The following APTX variants were observed in gnomAD, a reference collection of about 807,000 sequenced individuals.
APTX encodes the protein aprataxin.
In APTX, 33 loss-of-function variants were observed where a neutral mutation model predicts 42.3. The ratio of observed to expected loss-of-function variants is 0.78; its 90% CI spans 0.59 to 1.04. The LOEUF is 1.04. Ranked by LOEUF, APTX falls within the 50% of genes least tolerant of loss-of-function variation. APTX has a pLI of 0.00. For synonymous variants in APTX, 130 were observed against 146.7 expected, an observed-to-expected ratio of 0.89 and a Z score of 0.82; for missense variants, 421 against 415.1, an observed-to-expected ratio of 1.01 and a Z score of -0.12.
At chr9:33,003,321 C>A (rs1031372673), upstream of APTX, among the ~76,000 whole-genome samples, 8 of 152,184 alleles carry the variant, frequency 5.3e-5, no homozygotes, top group African/African-American at 1.9e-4. Flanking sequence ...AAAGGTATGG[C>A]AGGCAGTGAA....
chr9:33,003,278 G>A (rs1836847223), upstream of APTX, among the ~76,000 whole-genome samples: 1 of 152,220 alleles, frequency 6.6e-6, no homozygotes, highest in South Asian at 2.1e-4. Flanking sequence ...TTAGTGGCCA[G>A]AAAAGCAAGA....
chr9:33,024,391 A>C (rs1029316968), intron 1 of APTX, among the ~76,000 whole-genome samples: 1 of 152,240 alleles, frequency 6.6e-6, no homozygotes, highest in African/African-American at 2.4e-5. Flanking sequence ...ATTCCCATTA[A>C]GCCCCCGTGG....
chr9:33,001,546 A>T, intron 1 of APTX, 21 bp downstream of exon 1: 2 of 1,613,692 alleles, frequency 1.2e-6, no homozygotes, highest in Non-Finnish European at 1.7e-6. Context: ...AGCAGAAGAG[A>T]TAGGCTGACG....
At chr9:32,990,931 T>A (rs191392060) in intron 1 of APTX, among the ~76,000 whole-genome samples, 1 of 150,364 alleles carries the variant, frequency 6.7e-6, no homozygotes, top group Non-Finnish European at 1.5e-5. Flanking sequence ...TTTCTTTACT[T>A]TTTTTTTTTT....
rs10971267 is a variant in APTX, at chr9:32,985,941, T to G, written c.543+30A>C. 149,434 of 1,593,956 alleles carry G rather than the reference T, an allele frequency of 0.094. 7,948 individuals are homozygous for G. Among genetic ancestry groups the G allele is most frequent in the Non-Finnish European group, 0.11 (127,384 of 1,165,614 alleles). On this transcript the variant is annotated intron_variant, in intron 5 of 7. Transcript: ENST00000379817. ...TGGAGTGGTCATTTACAACATGAAA[T>G]GTACTGAAATTCCAAAATTGTATTC...
chr9:32,986,327 C>T (rs112618614), intron 4 of APTX, among the ~76,000 whole-genome samples: 5 of 152,240 alleles, frequency 3.3e-5, no homozygotes, highest in African/African-American at 9.6e-5. Context: ...TCCCAAGTAG[C>T]TGGGATTACA....
intron 1 of APTX, among the ~76,000 whole-genome samples, chr9:32,993,048 AC>A (rs1037904914): frequency 9.2e-5 from 14 of 152,226 alleles, no homozygotes; most frequent in Non-Finnish European, 2.1e-4. Flanking sequence ...ATATGTGGTG[AC>A]TGACTACTCA....
chr9:33,015,093 G>A (rs1293884946), intron 1 of APTX, among the ~76,000 whole-genome samples: 2 of 152,072 alleles, frequency 1.3e-5, no homozygotes, highest in Admixed American at 6.5e-5. Flanking sequence ...GTTACTACCC[G>A]TGTTTTTATT....
intron 6 of APTX, among the ~76,000 whole-genome samples, chr9:32,977,699 C>T (rs930878718): frequency 4.6e-5 from 7 of 151,836 alleles, no homozygotes; most frequent in Non-Finnish European, 8.8e-5. Flanking sequence ...GGCGTGGTGG[C>T]GCATGCCTGT....
Position 32,973,435 on chromosome 9 carries a change from G to A in APTX, c.*63C>T. On this transcript the variant is annotated 3_prime_UTR_variant, in exon 8 of 8. Transcript: ENST00000379817. ...TGAGTAGAAGTTCACAAGCAACCCA[G>A]AATAGGTGCCAGCAGTTTGCTCCAG... 6.4e-7 allele frequency: 1 copy of A among 1,574,438 alleles called. No homozygotes were observed. The highest frequency in any genetic ancestry group is 1.1e-5 in the South Asian group (1 of 89,692).
At chr9:32,992,910 T>C (rs1255849481) in intron 1 of APTX, among the ~76,000 whole-genome samples, 1 of 152,158 alleles carries the variant, frequency 6.6e-6, no homozygotes, top group Non-Finnish European at 1.5e-5. Context: ...ATGATGATGG[T>C]GTTATGGGCA....
intron 1 of APTX, among the ~76,000 whole-genome samples, chr9:33,009,577 G>A (rs1055507958): frequency 7.2e-5 from 11 of 152,080 alleles, no homozygotes; most frequent in Non-Finnish European, 1.5e-4. Flanking sequence ...CCAGAAGTTT[G>A]AGACCAGGCT....
upstream of APTX, among the ~76,000 whole-genome samples, chr9:33,001,966 C>A (rs1836650545): frequency 6.6e-6 from 1 of 152,210 alleles, no homozygotes; most frequent in African/African-American, 2.4e-5. Flanking sequence ...TTAAGGCCAT[C>A]TCTCCTGCTG....
intron 1 of APTX, among the ~76,000 whole-genome samples, chr9:32,991,544 G>A (rs1299145913): frequency 1.3e-5 from 2 of 152,078 alleles, no homozygotes; most frequent in Non-Finnish European, 2.9e-5. Context: ...AGCACTTTGG[G>A]AGCCCAAGGC....
chr9:32,984,625 GC>G lies in APTX; in HGVS notation c.770+5del. ...AGGAGCCAGCAGCACTACCCACCTG[GC>G]TTACCTCATACTCGGAATGGCGTGG... is the stretch of plus-strand genomic sequence containing the variant. On this transcript the variant is annotated splice_donor_5th_base_variant and intron_variant, in intron 6 of 7. Transcript: ENST00000379817. The G allele has an allele frequency of 6.2e-7, 1 of 1,613,880 alleles. No homozygotes were observed. Among genetic ancestry groups the G allele is most frequent in the Non-Finnish European group, 8.5e-7 (1 of 1,179,778 alleles).
intron 6 of APTX, among the ~76,000 whole-genome samples, 153 bp from the exon 7 acceptor site, chr9:32,974,714 A>G (rs576207245): frequency 1.3e-5 from 2 of 152,322 alleles, no homozygotes; most frequent in African/African-American, 2.4e-5. Context: ...ATTTAATTCA[A>G]TTGATTCATT....
At chr9:32,995,813 G>A (rs529446232) in intron 1 of APTX, among the ~76,000 whole-genome samples, 6 of 151,902 alleles carry the variant, frequency 3.9e-5, no homozygotes, top group East Asian at 1.9e-4. Context: ...GTGTGAATCC[G>A]GGAGGCGGAG....
rs1286909118 is a variant in APTX at position 32,972,825 on chromosome 9, C to T, written c.*673G>A. On this transcript the variant is annotated 3_prime_UTR_variant, in exon 8 of 8. Coordinates refer to ENST00000379817, the MANE Select transcript of APTX (RefSeq NM_001195248.2). ...AGAAGACTTCACAGCTCAATCATGA[C>T]GAACATGTGGCTGTTTCCTCACAGC... 9 of 453,960 alleles carry T rather than the reference C, an allele frequency of 2.0e-5. No individual in the cohort carries two copies. The highest frequency in any genetic ancestry group is 6.9e-5 in the East Asian group (1 of 14,408). 28.1% of individuals were successfully genotyped at this position (453,960 alleles called of 1,614,324 possible).
chr9:33,006,722 C>T lies in APTX; in HGVS notation c.-4-16827G>A, dbSNP rs144359799. Among the ~76,000 whole-genome samples, 315 of 152,070 alleles carry T rather than the reference C, an allele frequency of 2.1e-3. 2 individuals are homozygous for T. Among genetic ancestry groups the T allele is most frequent in the African/African-American group, 7.3e-3 (304 of 41,476 alleles). ...GGGCGTCAAGAAAGACCTATCTGGCCGGGTGCGGTGGCTCACACCTGTAAT... is the reference window on the plus strand; with the variant it reads ...GGGCGTCAAGAAAGACCTATCTGGCTGGGTGCGGTGGCTCACACCTGTAAT... On this transcript the variant is annotated intron_variant, in intron 1 of 6. Coordinates refer to the APTX transcript ENST00000436040.
Sources: allele counts gnomAD v4.1 joint callset (sites outside exome capture counted in the v4.1 genomes callset), GRCh38; gene constraint gnomAD v4.1.1; transcripts MANE v1.5; gene names NCBI Gene and HGNC (gene_info 2026-07-23, HGNC 2026-07-21).